The following SHISAL1 variants were observed in gnomAD, a reference collection of about 807,000 sequenced individuals.
SHISAL1 encodes the protein protein shisa-like-1.
Under a neutral mutation model 22.6 loss-of-function variants are expected in SHISAL1, and 9 were observed. The ratio of observed to expected loss-of-function variants is 0.40; its 90% confidence interval spans 0.24 to 0.70. The LOEUF (loss-of-function observed/expected upper bound fraction) is 0.70, where lower values mean the gene tolerates loss of function less well. SHISAL1 is among the 30% of genes least tolerant of loss of function. The pLI, the probability that SHISAL1 is intolerant of heterozygous loss-of-function variation, is 0.39. For synonymous variants in SHISAL1, 119 were observed against 115.4 expected, an observed-to-expected ratio of 1.03 and a Z score of -0.20; for missense variants, 246 against 270.6, an observed-to-expected ratio of 0.91 and a Z score of 0.64.
chr22:44,285,839 G>C, intron 3 of SHISAL1, 94 bp from the exon 4 acceptor site: 1 of 1,093,922 alleles, frequency 9.1e-7, no homozygotes, highest in Non-Finnish European at 1.3e-6. Flanking sequence ...ATGTGTCCTG[G>C]GGCTATGTTG....
In SHISAL1 at chr22:44,247,754, G is replaced by A. The variant is rs1601770627; in HGVS notation, c.*1931C>T. 1 of 152,278 alleles carries A rather than the reference G, an allele frequency of 6.6e-6. No individual in the cohort carries two copies. The highest frequency in any genetic ancestry group is 2.1e-4 in the South Asian group (1 of 4,838). 9.4% of individuals were successfully genotyped at this position (152,278 alleles called of 1,614,324 possible). ...TGGAGGATGCTTTATACCCTAGCAA[G>A]TTTGTTCTGCTTTTCCAAAGGCAGG... is the stretch of plus-strand genomic sequence containing the variant. On this transcript the variant is annotated 3_prime_UTR_variant, in exon 5 of 5. Transcript: ENST00000381176.
intron 3 of SHISAL1, among the ~76,000 whole-genome samples, chr22:44,290,657 C>T (rs745404716): frequency 3.9e-5 from 6 of 152,036 alleles, no homozygotes; most frequent in Non-Finnish European, 7.4e-5. Flanking sequence ...TGTGTGAATC[C>T]GAATCCCAGC....
At chr22:44,296,594 A>AG in intron 3 of SHISAL1, 78 bp downstream of exon 3, 1 of 1,299,016 alleles carries the variant, frequency 7.7e-7, no homozygotes, top group South Asian at 1.2e-5. Flanking sequence ...CCGCCTCCCT[A>AG]GGGGACGCGA....
At chr22:44,331,462 C>T in the SHISAL1 span, among the ~76,000 whole-genome samples, 5 of 151,204 alleles carry the variant, frequency 3.3e-5, no homozygotes, top group Non-Finnish European at 7.4e-5. The surrounding 1 kb of genome is among the most constrained non-coding windows in gnomAD (Gnocchi z 5.2). Context: ...CCCCGCGCGG[C>T]CCCCGCCCTG....
At chr22:44,251,913 T>C (rs2055050241) in intron 4 of SHISAL1, among the ~76,000 whole-genome samples, 1 of 150,696 alleles carries the variant, frequency 6.6e-6, no homozygotes, top group East Asian at 2.0e-4. Context: ...TACTTAAAAA[T>C]GGTTAAAATG....
chr22:44,261,069 T>C (rs1170316202), intron 4 of SHISAL1, among the ~76,000 whole-genome samples: 1 of 83,814 alleles, frequency 1.2e-5, no homozygotes, highest in Non-Finnish European at 2.3e-5. Flanking sequence ...GGTGTTTGCT[T>C]CATTACTTTA....
intron 4 of SHISAL1, among the ~76,000 whole-genome samples, chr22:44,273,533 C>A (rs1250271417): frequency 1.3e-5 from 2 of 152,244 alleles, no homozygotes; most frequent in Non-Finnish European, 2.9e-5. Flanking sequence ...TAACAACAGG[C>A]TCCCAAAATT....
chr22:44,284,679 C>T (rs2055298951), intron 4 of SHISAL1, among the ~76,000 whole-genome samples: 1 of 152,182 alleles, frequency 6.6e-6, no homozygotes, highest in Non-Finnish European at 1.5e-5. Flanking sequence ...GCCAGCCTCC[C>T]AGGGAGTTCC....
chr22:44,279,802 GC>G (rs2055263978), intron 4 of SHISAL1, among the ~76,000 whole-genome samples: 1 of 152,158 alleles, frequency 6.6e-6, no homozygotes, highest in Admixed American at 6.5e-5. Flanking sequence ...TGGCTGCTCT[GC>G]CCTGTCCCTG....
chr22:44,313,887 G>A (rs754465598), upstream of SHISAL1, among the ~76,000 whole-genome samples: 4 of 152,164 alleles, frequency 2.6e-5, no homozygotes, highest in Admixed American at 6.5e-5. Flanking sequence ...GACAGAGAGC[G>A]AGTTCAGACT....
At chr22:44,316,729 G>A (rs892215498), upstream of SHISAL1, among the ~76,000 whole-genome samples, 3 of 152,112 alleles carry the variant, frequency 2.0e-5, no homozygotes, top group African/African-American at 7.2e-5. Flanking sequence ...CCACCCTTCC[G>A]GCTGAATCAG....
At chr22:44,258,809 A>G (rs566391064) in intron 4 of SHISAL1, among the ~76,000 whole-genome samples, 1 of 152,354 alleles carries the variant, frequency 6.6e-6, no homozygotes, top group East Asian at 1.9e-4. Context: ...AAGTGAAAAC[A>G]CTTCCATGTT....
the SHISAL1 span, among the ~76,000 whole-genome samples, chr22:44,323,155 TCATC>T: frequency 3.9e-5 from 5 of 128,466 alleles, no homozygotes; most frequent in Admixed American, 7.8e-5. Flanking sequence ...ATCCACCCAT[TCATC>T]CATCCATCCA....
rs1426946619 is a variant in SHISAL1 at position 44,243,943 on chromosome 22, C to T, written c.*5742G>A. On this transcript the variant is annotated 3_prime_UTR_variant, in exon 5 of 5. Coordinates refer to ENST00000381176, the MANE Select transcript of SHISAL1 (RefSeq NM_001099294.2). The stretch of plus-strand genomic sequence containing the variant: ...GCTGCATGCCCTTGTCCAGCTGGCC[C>T]TGGGGACGACACATCAGCCTTTTGT... The T allele has an allele frequency of 6.6e-6, 1 of 152,188 alleles. No individual in the cohort carries two copies. Among genetic ancestry groups the T allele is most frequent in the Non-Finnish European group, 1.5e-5 (1 of 68,096 alleles). The allele number at this position is 152,188 out of a possible 1,614,324, so 9.4% of individuals were successfully genotyped here.
chr22:44,328,993 G>C, the SHISAL1 span, among the ~76,000 whole-genome samples: 1 of 152,168 alleles, frequency 6.6e-6, no homozygotes, highest in Non-Finnish European at 1.5e-5. Flanking sequence ...ATTCACGCCT[G>C]TCATTCTGGA....
At chr22:44,273,116 C>T (rs546057930) in intron 4 of SHISAL1, among the ~76,000 whole-genome samples, 4 of 151,686 alleles carry the variant, frequency 2.6e-5, no homozygotes, top group African/African-American at 9.7e-5. Context: ...ACAAAAAAAA[C>T]CACATTGGCT....
chr22:44,317,464 G>A (rs369488365), upstream of SHISAL1, among the ~76,000 whole-genome samples: 6 of 152,206 alleles, frequency 3.9e-5, no homozygotes, highest in Non-Finnish European at 5.9e-5. Context: ...AACCCTTGCT[G>A]GCCCCATCAG....
At chr22:44,301,022 C>G in intron 1 of SHISAL1, 45 bp from the exon 2 acceptor site, 1 of 1,359,072 alleles carries the variant, frequency 7.4e-7, no homozygotes, top group Non-Finnish European at 1.0e-6. Flanking sequence ...GCTGTCTCGC[C>G]TGACACTGGC....
intron 4 of SHISAL1, among the ~76,000 whole-genome samples, chr22:44,254,745 TG>T (rs1407264537): frequency 2.1e-4 from 27 of 130,812 alleles, no homozygotes; most frequent in Non-Finnish European, 3.5e-4. Context: ...ATGTAGAAGG[TG>T]GAGGTGACAG....
Sources: allele counts gnomAD v4.1 joint callset (sites outside exome capture counted in the v4.1 genomes callset), GRCh38; gene constraint gnomAD v4.1.1; non-coding constraint Gnocchi (gnomAD v3.1); transcripts MANE v1.5; gene names NCBI Gene and HGNC (gene_info 2026-07-23, HGNC 2026-07-21).